ZNG1B: variants seen among roughly 807,000 people sequenced by gnomAD.
The protein encoded by ZNG1B is zinc-regulated GTPase metalloprotein activator 1B.
chr2:113,441,949 A>G, the ZNG1B span, among the ~76,000 whole-genome samples: 1 of 152,182 alleles, frequency 6.6e-6, no homozygotes, highest in Non-Finnish European at 1.5e-5. Context: ...CATGTTGGCC[A>G]GGATGGTCTT....
the ZNG1B span, among the ~76,000 whole-genome samples, chr2:113,446,769 C>T: frequency 1.6e-5 from 2 of 127,128 alleles, no homozygotes; most frequent in Non-Finnish European, 3.4e-5. Context: ...CGCACATGCA[C>T]ACGCACACAC....
chr2:113,438,514 C>G, the ZNG1B span, among the ~76,000 whole-genome samples: 1 of 152,156 alleles, frequency 6.6e-6, no homozygotes, highest in Non-Finnish European at 1.5e-5. Flanking sequence ...TGGCAGGGAG[C>G]GCTCCTATCT....
the ZNG1B span, among the ~76,000 whole-genome samples, chr2:113,459,880 G>C: frequency 7.2e-6 from 1 of 138,692 alleles, no homozygotes; most frequent in Non-Finnish European, 1.6e-5. Context: ...TGACGTTAGG[G>C]ATGTAAACAG....
At chr2:113,491,788 A>G in the ZNG1B span, among the ~76,000 whole-genome samples, 5 of 124,292 alleles carry the variant, frequency 4.0e-5, no homozygotes, top group Non-Finnish European at 6.8e-5. Flanking sequence ...ACTCCAACAA[A>G]TCAGCAAGAA....
At chr2:113,446,772 G>GCACA in the ZNG1B span, among the ~76,000 whole-genome samples, 2 of 143,264 alleles carry the variant, frequency 1.4e-5, no homozygotes, top group Non-Finnish European at 3.1e-5. Context: ...ACATGCACAC[G>GCACA]CACACACACA....
chr2:113,472,452 G>C, the ZNG1B span, among the ~76,000 whole-genome samples: 1 of 151,632 alleles, frequency 6.6e-6, no homozygotes, highest in African/African-American at 2.4e-5. Flanking sequence ...TCACTCTGAT[G>C]GTAGTTTCTT....
At chr2:113,443,453 A>G in the ZNG1B span, among the ~76,000 whole-genome samples, 1 of 151,950 alleles carries the variant, frequency 6.6e-6, no homozygotes, top group South Asian at 2.1e-4. Context: ...TTTACCCTGG[A>G]CAAGAAAAAA....
At chr2:113,457,080 A>G in the ZNG1B span, 16 of 454,608 alleles carry the variant, frequency 3.5e-5, no homozygotes, top group African/African-American at 2.8e-4. Context: ...GAATTGGACA[A>G]CTTAAAATGA....
chr2:113,478,899 A>C, the ZNG1B span, among the ~76,000 whole-genome samples: 1 of 150,752 alleles, frequency 6.6e-6, no homozygotes, highest in Non-Finnish European at 1.5e-5. Flanking sequence ...TTGGAAACTG[A>C]AGCTCAGAGA....
the ZNG1B span, among the ~76,000 whole-genome samples, chr2:113,443,266 C>A: frequency 6.6e-6 from 1 of 151,784 alleles, no homozygotes. Flanking sequence ...GGTACACTGG[C>A]CAAAAACCTT....
At chr2:113,438,499 C>G in the ZNG1B span, among the ~76,000 whole-genome samples, 1 of 152,222 alleles carries the variant, frequency 6.6e-6, no homozygotes, top group Non-Finnish European at 1.5e-5. Flanking sequence ...AGTCCTCCAG[C>G]CAGTTGGCAG....
chr2:113,471,896 G>T, the ZNG1B span, among the ~76,000 whole-genome samples: 2 of 151,456 alleles, frequency 1.3e-5, no homozygotes, highest in Non-Finnish European at 2.9e-5. Context: ...TGGACATTTG[G>T]GTTGGTTCCA....
chr2:113,437,707 C>A, the ZNG1B span: 1 of 1,514,096 alleles, frequency 6.6e-7, no homozygotes, highest in Non-Finnish European at 8.9e-7. Flanking sequence ...CGAGGCGCTT[C>A]TCGTCCAGAG....
chr2:113,447,001 G>A, the ZNG1B span, among the ~76,000 whole-genome samples: 2 of 149,088 alleles, frequency 1.3e-5, no homozygotes, highest in Non-Finnish European at 3.0e-5. Flanking sequence ...TTTTTAATAA[G>A]CCCTTCAGGT....
the ZNG1B span, among the ~76,000 whole-genome samples, chr2:113,488,963 A>G: frequency 1.4e-5 from 2 of 144,198 alleles, no homozygotes; most frequent in Admixed American, 1.4e-4. Context: ...AATTGAGGAA[A>G]ACTTCCCCAG....
the ZNG1B span, among the ~76,000 whole-genome samples, chr2:113,486,880 T>C: frequency 6.6e-6 from 1 of 152,018 alleles, no homozygotes; most frequent in Non-Finnish European, 1.5e-5. Context: ...AGACTAAATT[T>C]ATTTTTTTTT....
At chr2:113,453,397 C>T in the ZNG1B span, among the ~76,000 whole-genome samples, 1 of 150,948 alleles carries the variant, frequency 6.6e-6, no homozygotes, top group African/African-American at 2.5e-5. Context: ...GGACTACAGG[C>T]GTGCACCATC....
the ZNG1B span, chr2:113,495,274 T>C: frequency 1.3e-6 from 2 of 1,513,986 alleles, no homozygotes; most frequent in Non-Finnish European, 1.8e-6. Context: ...ATTCACAGTT[T>C]TAAAACAAAG....
At chr2:113,471,278 T>C in the ZNG1B span, among the ~76,000 whole-genome samples, 2 of 152,184 alleles carry the variant, frequency 1.3e-5, no homozygotes, top group Non-Finnish European at 2.9e-5. Flanking sequence ...ATATTGCATT[T>C]TCCTGTAGAA....
Sources: allele counts gnomAD v4.1 joint callset (sites outside exome capture counted in the v4.1 genomes callset), GRCh38; gene constraint gnomAD v4.1.1; transcripts MANE v1.5; gene names NCBI Gene and HGNC (gene_info 2026-07-23, HGNC 2026-07-21).